Variants in KHDRBS3 observed in about 807,000 individuals in gnomAD.
KHDRBS3 encodes the protein KH domain-containing, RNA-binding, signal transduction-associated protein 3.
Under a neutral mutation model 45.6 loss-of-function variants are expected in KHDRBS3, and 23 were observed. The ratio of observed to expected loss-of-function variants is 0.50; its 90% CI spans 0.36 to 0.72. The LOEUF is 0.72. KHDRBS3 is among the 30% of genes least tolerant of loss of function. The pLI is 0.00. For missense variants in KHDRBS3, 352 were observed against 424.8 expected (o/e 0.83, Z 1.51); for synonymous variants, 162 against 156.5 (o/e 1.04, Z -0.26).
chr8:135,504,647 G>T (rs1823900678), intron 1 of KHDRBS3, among the ~76,000 whole-genome samples: 1 of 152,188 alleles, frequency 6.6e-6, no homozygotes, highest in Non-Finnish European at 1.5e-5. Context: ...TATATTCATA[G>T]AAATTTACTC....
intron 1 of KHDRBS3, among the ~76,000 whole-genome samples, chr8:135,468,564 G>T (rs549893553): frequency 4.0e-4 from 61 of 152,320 alleles, no homozygotes; most frequent in African/African-American, 1.5e-3. Context: ...CAGAAAAGCA[G>T]CCACAGACAC....
At chr8:135,631,512 A>G (rs920997065) in intron 7 of KHDRBS3, among the ~76,000 whole-genome samples, 2 of 151,994 alleles carry the variant, frequency 1.3e-5, no homozygotes, top group Non-Finnish European at 2.9e-5. Flanking sequence ...CACACACTAC[A>G]TAGTGTCAGG....
chr8:135,478,225 T>C (rs369248894), intron 1 of KHDRBS3, among the ~76,000 whole-genome samples: 1 of 152,222 alleles, frequency 6.6e-6, no homozygotes, highest in East Asian at 1.9e-4. Flanking sequence ...CTGCCTTACA[T>C]ACCCATTTTA....
At chr8:135,482,783 A>G (rs905882462) in intron 1 of KHDRBS3, among the ~76,000 whole-genome samples, 40 of 152,256 alleles carry the variant, frequency 2.6e-4, no homozygotes, top group South Asian at 1.2e-3. Flanking sequence ...AGCACTTTGC[A>G]CCTCTGAAAA....
chr8:135,552,456 A>G (rs936507927), intron 4 of KHDRBS3, among the ~76,000 whole-genome samples: 1 of 152,050 alleles, frequency 6.6e-6, no homozygotes, highest in African/African-American at 2.4e-5. Flanking sequence ...TTTTGTTGCA[A>G]TTCCAACATC....
At chr8:135,529,642 C>G (rs1231186120) in intron 2 of KHDRBS3, among the ~76,000 whole-genome samples, 2 of 151,854 alleles carry the variant, frequency 1.3e-5, no homozygotes, top group Non-Finnish European at 2.9e-5. Flanking sequence ...TTTTCCTGAG[C>G]CAATGAATAA....
intron 7 of KHDRBS3, among the ~76,000 whole-genome samples, chr8:135,629,754 G>A (rs59186327): frequency 0.048 from 7,255 of 152,288 alleles, 285 homozygotes; most frequent in East Asian, 0.19. Context: ...GTTATTGATC[G>A]GGACATCTAG....
chr8:135,542,677 G>A lies in KHDRBS3; in HGVS notation c.231G>A (p.Leu77=). The change falls in exon 3 of 9, where the codon TTG becomes TTA. Residue 77 remains leucine (L), a synonymous_variant. Transcript: ENST00000355849. ...AGTTCAACTTTGTGGGGAAACTTTT[G>A]GGTCCACGTGGCAATTCTCTGAAGC... ...FPKFNFVGKL[L]GPRGNSLKRL... 1 of 1,613,182 alleles carries A rather than the reference G, an allele frequency of 6.2e-7. No homozygotes were observed. The highest frequency in any genetic ancestry group is 8.5e-7 in the Non-Finnish European group (1 of 1,179,426).
intron 5 of KHDRBS3, among the ~76,000 whole-genome samples, chr8:135,577,772 C>G (rs1212119709): frequency 6.6e-6 from 1 of 152,068 alleles, no homozygotes; most frequent in African/African-American, 2.4e-5. Flanking sequence ...AATACAACTG[C>G]TAGATTGTAT....
chr8:135,653,787 G>T (rs1206598041), intron 4 of KHDRBS3, among the ~76,000 whole-genome samples: 1 of 152,214 alleles, frequency 6.6e-6, no homozygotes, highest in Non-Finnish European at 1.5e-5. Context: ...CTTACAGTGG[G>T]TTTATGAGGA....
chr8:135,584,186 A>G (rs1828347944), intron 6 of KHDRBS3, among the ~76,000 whole-genome samples: 1 of 152,228 alleles, frequency 6.6e-6, no homozygotes, highest in Non-Finnish European at 1.5e-5. Context: ...CTGTTACTGC[A>G]GCTGTGATTT....
intron 7 of KHDRBS3, among the ~76,000 whole-genome samples, chr8:135,613,059 C>T (rs1048438245): frequency 2.0e-5 from 3 of 151,752 alleles, no homozygotes; most frequent in African/African-American, 7.3e-5. Flanking sequence ...GTAAGCAAGA[C>T]AGCAAGACAG....
At chr8:135,605,562 A>G (rs1295154923) in intron 6 of KHDRBS3, among the ~76,000 whole-genome samples, 1 of 152,164 alleles carries the variant, frequency 6.6e-6, no homozygotes, top group African/African-American at 2.4e-5. Flanking sequence ...TAGAAAGGGT[A>G]TTGTTTGATT....
At chr8:135,490,477 G>C (rs2130411696) in intron 1 of KHDRBS3, among the ~76,000 whole-genome samples, 1 of 152,244 alleles carries the variant, frequency 6.6e-6, no homozygotes, top group Non-Finnish European at 1.5e-5. Context: ...TAGGCTGCCT[G>C]TACATATTGA....
intron 1 of KHDRBS3, among the ~76,000 whole-genome samples, chr8:135,499,120 C>T (rs1034781207): frequency 2.6e-5 from 4 of 152,072 alleles, no homozygotes; most frequent in African/African-American, 2.4e-5. Flanking sequence ...GCAAAGAACA[C>T]GAGAGAGTGC....
chr8:135,484,687 GCTC>G (rs1822755554), intron 1 of KHDRBS3, among the ~76,000 whole-genome samples: 1 of 152,172 alleles, frequency 6.6e-6, no homozygotes, highest in Non-Finnish European at 1.5e-5. Context: ...AATATTCACA[GCTC>G]CTCCTATAAG....
chr8:135,495,172 C>T (rs561640793), intron 1 of KHDRBS3, among the ~76,000 whole-genome samples: 1 of 152,156 alleles, frequency 6.6e-6, no homozygotes, highest in Non-Finnish European at 1.5e-5. Flanking sequence ...TGATTGTTTT[C>T]TTCCTGCTTT....
chr8:135,486,562 T>C (rs1822875535), intron 1 of KHDRBS3, among the ~76,000 whole-genome samples: 1 of 152,216 alleles, frequency 6.6e-6, no homozygotes, highest in African/African-American at 2.4e-5. Context: ...CCCAGGGTTA[T>C]ATGACAGGTT....
Position 135,548,864 on chromosome 8 carries a change from A to T in KHDRBS3, c.435A>T (p.Gly145=), listed in dbSNP as rs766930049. The change falls in exon 4 of 9, where the codon GGA becomes GGT. Residue 145 remains glycine (G), a synonymous_variant. Coordinates refer to ENST00000355849, the MANE Select transcript of KHDRBS3 (RefSeq NM_006558.3). ...APPAEAYARM[G]HALEEIKKFL... is the part of the protein sequence containing the mutation. ...CTGCAGAAGCTTATGCCAGGATGGG[A>T]CATGCTTTGGAAGAAATCAAAAAGT... 1.8e-5 allele frequency: 29 copies of T among 1,597,898 alleles called. No homozygotes were observed. The highest frequency in any genetic ancestry group is 2.5e-5 in the Non-Finnish European group (29 of 1,172,912).
Sources: gnomAD v4.1 joint callset for allele counts (sites outside exome capture counted in the v4.1 genomes callset) on GRCh38, gnomAD v4.1.1 for gene constraint, MANE v1.5 for transcripts, NCBI Gene and HGNC (gene_info 2026-07-23, HGNC 2026-07-21) for gene names.